The following KCNK9 variants were observed in gnomAD, a reference collection of about 807,000 sequenced individuals.
KCNK9 encodes the protein potassium channel subfamily K member 9.
In KCNK9, 1 loss-of-function variant was observed where a neutral mutation model predicts 10.8. That is an observed-to-expected ratio of 0.09 (90% confidence interval 0.03 to 0.44). The LOEUF (loss-of-function observed/expected upper bound fraction) is 0.44, where lower values mean the gene tolerates loss of function less well. Among genes scored for constraint, KCNK9 ranks in the 20% least tolerant of loss-of-function variants. The pLI, the probability that KCNK9 is intolerant of heterozygous loss-of-function variation, is 0.97. For synonymous variants in KCNK9, 231 were observed against 222.7 expected, an observed-to-expected ratio of 1.04 and a Z score of -0.33; for missense variants, 303 against 515.0, an observed-to-expected ratio of 0.59 and a Z score of 3.98.
intron 1 of KCNK9, among the ~76,000 whole-genome samples, chr8:139,634,330 C>T (rs1212083170): frequency 6.6e-6 from 1 of 152,166 alleles, no homozygotes; most frequent in African/African-American, 2.4e-5. Context: ...GGAGGCCTAA[C>T]CTACCCCTCA....
At chr8:139,637,205 G>C (rs1239038725) in intron 1 of KCNK9, among the ~76,000 whole-genome samples, 3 of 152,220 alleles carry the variant, frequency 2.0e-5, no homozygotes, top group Non-Finnish European at 4.4e-5. Flanking sequence ...AGGAAGGGAA[G>C]GTGAAGACAG....
At chr8:139,643,349 G>C (rs146413488) in intron 1 of KCNK9, among the ~76,000 whole-genome samples, 10 of 152,146 alleles carry the variant, frequency 6.6e-5, no homozygotes, top group Admixed American at 2.0e-4. Flanking sequence ...TCCTTCACCC[G>C]GACTGGGGGG....
At chr8:139,610,449 T>C (rs879251556), downstream of KCNK9, among the ~76,000 whole-genome samples, 3 of 152,114 alleles carry the variant, frequency 2.0e-5, no homozygotes, top group African/African-American at 7.2e-5. Context: ...TTCCTTTTGT[T>C]AGTTTCATGC....
chr8:139,690,130 A>G (rs1312422328), intron 1 of KCNK9, among the ~76,000 whole-genome samples: 1 of 152,222 alleles, frequency 6.6e-6, no homozygotes. Context: ...CTAACTGATA[A>G]AGGTGAAAAG....
intron 1 of KCNK9, among the ~76,000 whole-genome samples, chr8:139,683,498 G>C (rs1428545479): frequency 2.6e-5 from 4 of 152,356 alleles, no homozygotes; most frequent in Admixed American, 2.6e-4. Flanking sequence ...CAGCAGGTCT[G>C]AGAGTTTCCA....
At chr8:139,647,822 T>TC (rs1484784309) in intron 1 of KCNK9, among the ~76,000 whole-genome samples, 4 of 152,130 alleles carry the variant, frequency 2.6e-5, no homozygotes, top group African/African-American at 9.7e-5. Flanking sequence ...CCTTACCCCC[T>TC]CTCAGGTGGC....
At chr8:139,608,372 C>A (rs1487309094), downstream of KCNK9, among the ~76,000 whole-genome samples, 1 of 152,236 alleles carries the variant, frequency 6.6e-6, no homozygotes, top group African/African-American at 2.4e-5. Flanking sequence ...ACAGGGGTTT[C>A]CACCCCCCAA....
chr8:139,687,886 C>T (rs1004485522), intron 1 of KCNK9, among the ~76,000 whole-genome samples: 1 of 151,662 alleles, frequency 6.6e-6, no homozygotes, highest in African/African-American at 2.4e-5. Context: ...ATCATTACCT[C>T]TTAAAGATAA....
At chr8:139,684,073 T>C (rs1816742496) in intron 1 of KCNK9, among the ~76,000 whole-genome samples, 1 of 152,128 alleles carries the variant, frequency 6.6e-6, no homozygotes, top group Non-Finnish European at 1.5e-5. Flanking sequence ...GAAGCCCAGG[T>C]CCCAGGTGGT....
chr8:139,652,224 C>T (rs568177686), intron 1 of KCNK9, among the ~76,000 whole-genome samples: 3 of 152,282 alleles, frequency 2.0e-5, no homozygotes, highest in African/African-American at 7.2e-5. Flanking sequence ...CCAATGCTTC[C>T]ACAAGACACT....
At chr8:139,660,357 C>G (rs1042968543) in intron 1 of KCNK9, among the ~76,000 whole-genome samples, 9 of 151,906 alleles carry the variant, frequency 5.9e-5, no homozygotes, top group Non-Finnish European at 1.5e-5. Flanking sequence ...GTAGTCCCAG[C>G]ACTTTGGGAG....
intron 1 of KCNK9, among the ~76,000 whole-genome samples, chr8:139,658,442 G>A (rs558770664): frequency 3.9e-5 from 6 of 152,318 alleles, no homozygotes; most frequent in Non-Finnish European, 8.8e-5. Flanking sequence ...AAGGAAACCA[G>A]ATGCGGGCCT....
chr8:139,657,818 C>T (rs73727204), intron 1 of KCNK9, among the ~76,000 whole-genome samples: 1,650 of 152,302 alleles, frequency 0.011, 32 homozygotes, highest in African/African-American at 0.037. Flanking sequence ...ATCACCCTGG[C>T]GGGTGGGGAG....
chr8:139,700,912 C>T (rs775529024), intron 1 of KCNK9, among the ~76,000 whole-genome samples: 1 of 152,194 alleles, frequency 6.6e-6, no homozygotes, highest in East Asian at 1.9e-4. Context: ...GCTCAACTCT[C>T]GGGATCAGCC....
At chr8:139,665,632 G>A (rs567235728) in intron 1 of KCNK9, among the ~76,000 whole-genome samples, 156 of 152,340 alleles carry the variant, frequency 1.0e-3, no homozygotes, top group African/African-American at 3.6e-3. Flanking sequence ...AGCTTCACAG[G>A]TGTTCTGTGG....
chr8:139,677,312 A>C (rs1191340334), intron 1 of KCNK9, among the ~76,000 whole-genome samples: 1 of 152,090 alleles, frequency 6.6e-6, no homozygotes, highest in Non-Finnish European at 1.5e-5. Context: ...AGAGGCACTG[A>C]GTCACGCCAG....
downstream of KCNK9, chr8:139,611,839 G>A (rs1029737426): frequency 6.6e-6 from 1 of 152,208 alleles, no homozygotes; most frequent in Non-Finnish European, 1.5e-5. Flanking sequence ...GAGTTACCCT[G>A]TTTCCACTTC....
chr8:139,639,922 GC>G (rs1815450920), intron 1 of KCNK9, among the ~76,000 whole-genome samples: 1 of 151,920 alleles, frequency 6.6e-6, no homozygotes, highest in Non-Finnish European at 1.5e-5. Context: ...CCCTAGCTCT[GC>G]CCCATCATGG....
chr8:139,650,939 C>G (rs1815844398), intron 1 of KCNK9, among the ~76,000 whole-genome samples: 2 of 152,144 alleles, frequency 1.3e-5, no homozygotes, highest in African/African-American at 2.4e-5. Flanking sequence ...CCTTCAGAGC[C>G]CCTTCCAACT....
Sources: allele counts gnomAD v4.1 joint callset (sites outside exome capture counted in the v4.1 genomes callset), GRCh38; gene constraint gnomAD v4.1.1; transcripts MANE v1.5; gene names NCBI Gene and HGNC (gene_info 2026-07-23, HGNC 2026-07-21).